Variants in LIN54 observed in about 807,000 individuals in gnomAD.
The protein encoded by LIN54 is protein lin-54 homolog.
Under a neutral mutation model 78.7 loss-of-function variants are expected in LIN54, and 9 were observed. The observed-to-expected ratio is 0.11, with a 90% confidence interval of 0.07 to 0.20. The LOEUF (loss-of-function observed/expected upper bound fraction) is 0.20. Ranked by LOEUF, LIN54 falls within the 10% of genes least tolerant of loss-of-function variation. The pLI, the probability that LIN54 is intolerant of heterozygous loss-of-function variation, is 1.00. For synonymous variants in LIN54, 269 were observed against 318.4 expected (o/e 0.84, Z 1.65); for missense variants, 573 against 889.9 (o/e 0.64, Z 4.53).
chr4:82,976,939 A>T (rs1421648504), intron 3 of LIN54, among the ~76,000 whole-genome samples: 2 of 152,210 alleles, frequency 1.3e-5, no homozygotes, highest in African/African-American at 4.8e-5. Flanking sequence ...GTATATCTCT[A>T]TGTATTCTGG....
At chr4:82,949,848 T>A (rs1353283364) in intron 4 of LIN54, among the ~76,000 whole-genome samples, 12 of 148,390 alleles carry the variant, frequency 8.1e-5, no homozygotes, top group Non-Finnish European at 1.5e-4. Flanking sequence ...ATTTTTGCTT[T>A]TTTTTTTTTT....
chr4:82,954,981 A>C (rs1163428960), intron 4 of LIN54, among the ~76,000 whole-genome samples: 1 of 152,222 alleles, frequency 6.6e-6, no homozygotes, highest in Admixed American at 6.5e-5. Flanking sequence ...ATGAAAGAAA[A>C]AACTGGTAAG....
intron 1 of LIN54, among the ~76,000 whole-genome samples, chr4:82,993,218 C>CTTTTTTTTTTT (rs200555092): frequency 7.8e-6 from 1 of 128,286 alleles, no homozygotes; most frequent in African/African-American, 3.0e-5. Flanking sequence ...TTTCTAGAAT[C>CTTTTTTTTTTT]TTTTTTTTTT....
At chr4:82,996,132 A>G (rs773867630) in intron 1 of LIN54, among the ~76,000 whole-genome samples, 21 of 151,922 alleles carry the variant, frequency 1.4e-4, no homozygotes, top group Non-Finnish European at 2.9e-4. Context: ...AAAAAAGAGA[A>G]AGTTTCAGAA....
rs1486568679 is a variant in LIN54 at position 82,931,149 on chromosome 4, A to C, written c.1846-4T>G. ...TTGAGGAACACATTATTTTTGCCTA[A>C]AAGATTTACATAAGAAAAGTTTCCA... On this transcript the variant is annotated splice_region_variant and splice_polypyrimidine_tract_variant and intron_variant, in intron 11 of 12. Transcript: ENST00000340417. 3 of 1,612,966 alleles carry C rather than the reference A, an allele frequency of 1.9e-6. No individual in the cohort carries two copies. Among genetic ancestry groups the C allele is most frequent in the Non-Finnish European group, 2.5e-6 (3 of 1,179,166 alleles).
At chr4:83,007,563 C>T (rs559756863) in intron 1 of LIN54, among the ~76,000 whole-genome samples, 3 of 152,176 alleles carry the variant, frequency 2.0e-5, no homozygotes, top group African/African-American at 7.2e-5. Context: ...GCTTCTCCTC[C>T]TGATTTCTCT....
At chr4:82,948,790 T>C (rs2126047664) in intron 4 of LIN54, among the ~76,000 whole-genome samples, 1 of 152,358 alleles carries the variant, frequency 6.6e-6, no homozygotes, top group Non-Finnish European at 1.5e-5. Flanking sequence ...ACACAATATT[T>C]TTCTTTCTGT....
chr4:82,999,433 C>T (rs372869264), intron 1 of LIN54, among the ~76,000 whole-genome samples: 20 of 152,208 alleles, frequency 1.3e-4, no homozygotes, highest in African/African-American at 4.8e-4. Context: ...AAACCTTGCA[C>T]TTTTAGCAAA....
intron 1 of LIN54, among the ~76,000 whole-genome samples, chr4:83,003,989 A>G (rs910077646): frequency 1.3e-5 from 2 of 148,486 alleles, no homozygotes; most frequent in East Asian, 3.9e-4. Context: ...AATAAATGAC[A>G]TATTTATGCC....
chr4:82,931,649 T>G (rs1027054353), intron 11 of LIN54, among the ~76,000 whole-genome samples: 1 of 152,188 alleles, frequency 6.6e-6, no homozygotes, highest in African/African-American at 2.4e-5. Context: ...CCCCAAACCC[T>G]TCAATAACCC....
chr4:82,986,966 G>C (rs1727203307), intron 1 of LIN54, among the ~76,000 whole-genome samples: 2 of 152,122 alleles, frequency 1.3e-5, no homozygotes, highest in South Asian at 4.1e-4. Context: ...GGTAGAGCCA[G>C]GACTCCAGCT....
intron 11 of LIN54, among the ~76,000 whole-genome samples, chr4:82,934,712 TAAAC>T (rs1413569313): frequency 1.3e-5 from 2 of 152,042 alleles, no homozygotes; most frequent in African/African-American, 2.4e-5. Context: ...AATAAATAAA[TAAAC>T]TAATTAATTA....
intron 11 of LIN54, among the ~76,000 whole-genome samples, chr4:82,935,072 G>A (rs1309104237): frequency 6.6e-6 from 1 of 151,988 alleles, no homozygotes; most frequent in South Asian, 2.1e-4. Flanking sequence ...ATTGCCTACC[G>A]TGACCAGTAA....
At chr4:82,976,073 T>TA (rs1726138010) in intron 3 of LIN54, among the ~76,000 whole-genome samples, 1 of 152,186 alleles carries the variant, frequency 6.6e-6, no homozygotes, top group African/African-American at 2.4e-5. Context: ...TCCTACAACT[T>TA]AGTTTAGATC....
In LIN54 at chr4:83,010,711, G is replaced by A; in HGVS notation, c.-260C>T. 8.1e-7 allele frequency: 1 copy of A among 1,232,048 alleles called. No homozygotes were observed. Among genetic ancestry groups the A allele is most frequent in the Non-Finnish European group, 1.0e-6 (1 of 987,960 alleles). 76.3% of individuals were successfully genotyped at this position (1,232,048 alleles called of 1,614,324 possible). ...CGCCGCCGCCTCTGGTATGTCAGGG[G>A]CCGGGATTGTATTTCGAAAGATCCG... is the stretch of plus-strand genomic sequence containing the variant. On this transcript the variant is annotated 5_prime_UTR_variant, in exon 1 of 13. Transcript: ENST00000340417.
chr4:82,948,603 T>C (rs1723598511), intron 4 of LIN54, among the ~76,000 whole-genome samples: 1 of 152,198 alleles, frequency 6.6e-6, no homozygotes, highest in African/African-American at 2.4e-5. Flanking sequence ...CCAAATACTG[T>C]ACAATTTTGT....
chr4:82,942,731 G>A (rs916250728), intron 5 of LIN54, among the ~76,000 whole-genome samples: 1 of 152,000 alleles, frequency 6.6e-6, no homozygotes, highest in Admixed American at 6.6e-5. Flanking sequence ...ATGACCAGTG[G>A]AATCCAAAAA....
chr4:82,972,614 C>T (rs748018887), intron 3 of LIN54, among the ~76,000 whole-genome samples: 7 of 152,124 alleles, frequency 4.6e-5, no homozygotes, highest in Non-Finnish European at 8.8e-5. Flanking sequence ...AGTAAAGACA[C>T]AGTTTCATAA....
intron 1 of LIN54, among the ~76,000 whole-genome samples, chr4:82,988,974 G>A (rs1322319426): frequency 1.3e-5 from 2 of 152,134 alleles, no homozygotes; most frequent in East Asian, 3.9e-4. Flanking sequence ...AGACCACAAG[G>A]TCAGGAGATC....
Sources: gnomAD v4.1 joint callset for allele counts (sites outside exome capture counted in the v4.1 genomes callset) on GRCh38, gnomAD v4.1.1 for gene constraint, MANE v1.5 for transcripts, NCBI Gene and HGNC (gene_info 2026-07-23, HGNC 2026-07-21) for gene names.